GNA15: variants seen among roughly 807,000 people sequenced by gnomAD.
GNA15 encodes the protein guanine nucleotide-binding protein subunit alpha-15.
Under a neutral mutation model 40.1 loss-of-function variants are expected in GNA15, and 23 were observed. The ratio of observed to expected loss-of-function variants is 0.57; its 90% CI spans 0.41 to 0.81. The LOEUF is 0.81. Among genes scored for constraint, GNA15 ranks in the 40% least tolerant of loss-of-function variants. GNA15 has a pLI of 0.00. For synonymous variants in GNA15, 226 were observed against 210.4 expected (o/e 1.07, Z -0.64); for missense variants, 522 against 515.8 (o/e 1.01, Z -0.12).
At chr19:3,161,879 A>G (rs1915144424) in intron 6 of GNA15, among the ~76,000 whole-genome samples, 1 of 151,728 alleles carries the variant, frequency 6.6e-6, no homozygotes, top group Non-Finnish European at 1.5e-5. Context: ...TTAAAAATAC[A>G]AAAATTAGCT....
Position 3,155,810 on chromosome 19 carries a change from C to T in GNA15, c.615-13C>T, listed in dbSNP as rs1368925107. 14 of 1,610,864 alleles carry T rather than the reference C, an allele frequency of 8.7e-6. No individual in the cohort carries two copies. Among genetic ancestry groups the T allele is most frequent in the Middle Eastern group, 1.7e-4 (1 of 6,056 alleles). On this transcript the variant is annotated splice_polypyrimidine_tract_variant and intron_variant, in intron 4 of 6. Transcript: ENST00000262958. This position sits in a 1 kb window ranked among gnomAD's most constrained non-coding sequence, Gnocchi z 5.6. ...TCCTGAGCTCTGAAAGGGGGCACCT[C>T]GGTTCCCTGTAGGATCGTGGACGTC...
At chr19:3,142,462 A>G (rs1914598847) in intron 1 of GNA15, 1 of 152,212 alleles carries the variant, frequency 6.6e-6, no homozygotes, top group African/African-American at 2.4e-5. Context: ...AAAAAAAATC[A>G]GTGCATCACA....
chr19:3,156,037 G>T (rs537137947), intron 5 of GNA15, 85 bp downstream of exon 5: 329 of 1,316,998 alleles, frequency 2.5e-4, no homozygotes, highest in Admixed American at 5.1e-4. Context: ...GAAAGGGAGG[G>T]ATCCCTGCTC....
intron 6 of GNA15, among the ~76,000 whole-genome samples, chr19:3,158,684 C>A (rs981321911): frequency 6.6e-6 from 1 of 151,976 alleles, no homozygotes; most frequent in African/African-American, 2.4e-5. Context: ...TACAGTGGTG[C>A]GATCTTGGCT....
At position 3,157,735 on chromosome 19, in the gene GNA15, T is replaced by A; in HGVS notation, c.752T>A (p.Met251Lys). The change falls in exon 6 of 7, where the codon ATG becomes AAG. Residue 251 changes from methionine (M) to lysine (K), a missense_variant. Coordinates refer to ENST00000262958, the MANE Select transcript of GNA15 (RefSeq NM_002068.4). ...CLEENNQENRMKESLALFGTI... is the reference protein window; with the variant it reads ...CLEENNQENRKKESLALFGTI... ...CTTCTGCCCCCAACACAGAACCGCA[T>A]GAAGGAGAGCCTCGCATTGTTTGGG... The A allele has an allele frequency of 6.2e-7, 1 of 1,614,036 alleles. No individual in the cohort carries two copies. The highest frequency in any genetic ancestry group is 8.5e-7 in the Non-Finnish European group (1 of 1,179,900).
Position 3,151,978 on chromosome 19 carries a change from C to T in GNA15, c.614+143C>T. The T allele has an allele frequency of 3.4e-6, 2 of 586,836 alleles. No individual in the cohort carries two copies. Among genetic ancestry groups the T allele is most frequent in the East Asian group, 3.2e-5 (1 of 31,120 alleles). 36.4% of individuals were successfully genotyped at this position (586,836 alleles called of 1,614,324 possible). A position where few individuals can be genotyped will look rare whatever the true frequency, so the allele number is the denominator to read the frequency against. On this transcript the variant is annotated intron_variant, in intron 4 of 6. Transcript: ENST00000262958. This position sits in a 1 kb window ranked among gnomAD's most constrained non-coding sequence, Gnocchi z 5.0. The stretch of plus-strand genomic sequence containing the variant: ...TGCCAAGCTAGGGGAAGCAAAGCTC[C>T]ATGTAGACACCTCCAGGCCCCCAGG...
At chr19:3,144,185 G>A (rs939065116) in intron 1 of GNA15, among the ~76,000 whole-genome samples, 1 of 151,300 alleles carries the variant, frequency 6.6e-6, no homozygotes, top group South Asian at 2.1e-4. Context: ...CAGATGGTGG[G>A]ACTCCAGCTC....
chr19:3,144,775 G>A (rs34403874), intron 1 of GNA15, among the ~76,000 whole-genome samples: 26,202 of 151,350 alleles, frequency 0.17, 2,252 homozygotes, highest in East Asian at 0.21. Context: ...TGATCCGCCC[G>A]CCTTGGCCTC....
chr19:3,140,110 T>C (rs778785032), intron 1 of GNA15, among the ~76,000 whole-genome samples: 1 of 151,988 alleles, frequency 6.6e-6, no homozygotes, highest in Non-Finnish European at 1.5e-5. Context: ...ATGTGTCATA[T>C]TATGTCACAT....
intron 4 of GNA15, among the ~76,000 whole-genome samples, chr19:3,152,900 A>G (rs1247711339): frequency 1.3e-5 from 2 of 152,162 alleles, no homozygotes; most frequent in African/African-American, 2.4e-5. Flanking sequence ...AGAGCCTCAC[A>G]AGGTTAGGGG....
At position 3,163,091 on chromosome 19, in the gene GNA15, T is replaced by C. The variant is rs1915178306; in HGVS notation, c.*72T>C. 4.2e-6 allele frequency: 4 copies of C among 943,814 alleles called. No homozygotes were observed. The highest frequency in any genetic ancestry group is 1.6e-5 in the African/African-American group (1 of 61,920). 58.5% of individuals were successfully genotyped at this position (943,814 alleles called of 1,614,324 possible). A position where few individuals can be genotyped will look rare whatever the true frequency, so the allele number is the denominator to read the frequency against. On this transcript the variant is annotated 3_prime_UTR_variant, in exon 7 of 7. Coordinates refer to ENST00000262958, the MANE Select transcript of GNA15 (RefSeq NM_002068.4). ...TGGGAGTGGCTGCAGGGACCCCTAG[T>C]GTCCCTGGTCTATCTCTCCAGCCTC...
In GNA15 at chr19:3,157,844, C is replaced by T. The variant is rs770093189; in HGVS notation, c.861C>T (p.Pro287=). 29 of 1,613,598 alleles carry T rather than the reference C, an allele frequency of 1.8e-5. No individual in the cohort carries two copies. Among genetic ancestry groups the T allele is most frequent in the Non-Finnish European group, 2.3e-5 (27 of 1,179,460 alleles). Residue 287 remains proline, a synonymous_variant, in exon 6 of 7, where the codon CCC becomes CCT. Transcript: ENST00000262958. ...CCGACATCCTGGAGGAGAAAATCCC[C>T]ACCTCCCACCTGGCTACCTATTTCC... ...NKTDILEEKI[P]TSHLATYFPS... is the part of the protein sequence containing the mutation.
At position 3,160,194 on chromosome 19, in the gene GNA15, G is replaced by C. The variant is rs182413024; in HGVS notation, c.898+2313G>C. ...TATGGGATTGGAGATAAACTTCCAA[G>C]ATGGCTTCTTCCCCCATATGTCTGG... On this transcript the variant is annotated intron_variant, in intron 6 of 6. Transcript: ENST00000262958. Among the ~76,000 whole-genome samples the C allele has an allele frequency of 1.3e-3, 201 of 152,278 alleles. 2 individuals are homozygous for C. Among genetic ancestry groups the C allele is most frequent in the African/African-American group, 4.7e-3 (195 of 41,560 alleles).
At chr19:3,138,601 G>A (rs1171012638) in intron 1 of GNA15, among the ~76,000 whole-genome samples, 1 of 152,086 alleles carries the variant, frequency 6.6e-6, no homozygotes, top group African/African-American at 2.4e-5. Flanking sequence ...CCTTCACTGG[G>A]GGCCCTTTCT....
intron 4 of GNA15, among the ~76,000 whole-genome samples, chr19:3,153,523 G>A (rs1914930109): frequency 6.6e-6 from 1 of 150,834 alleles, no homozygotes; most frequent in South Asian, 2.1e-4. Flanking sequence ...ATGAATGGAT[G>A]AGTGGGTGGA....
intron 6 of GNA15, among the ~76,000 whole-genome samples, chr19:3,162,507 A>T (rs571710203): frequency 6.6e-6 from 1 of 152,220 alleles, no homozygotes; most frequent in African/African-American, 2.4e-5. Flanking sequence ...AAGCGAGGCC[A>T]AGAGAGTGTC....
intron 6 of GNA15, among the ~76,000 whole-genome samples, chr19:3,162,407 C>G (rs1915159287): frequency 6.7e-6 from 1 of 149,248 alleles, no homozygotes; most frequent in African/African-American, 2.5e-5. Context: ...AAAGAGGACT[C>G]TCTTCCCCTC....
At chr19:3,156,516 A>ACACATGCACGCACACG (rs1315592143) in intron 5 of GNA15, among the ~76,000 whole-genome samples, 8 of 151,946 alleles carry the variant, frequency 5.3e-5, no homozygotes, top group African/African-American at 1.9e-4. Context: ...GCGTGCACAC[A>ACACATGCACGCACACG]CACATGCACG....
intron 5 of GNA15, among the ~76,000 whole-genome samples, chr19:3,156,190 A>AGTG (rs1468251250): frequency 5.6e-4 from 61 of 108,452 alleles, no homozygotes; most frequent in African/African-American, 2.0e-3. Context: ...ACACACACAC[A>AGTG]CACACACACA....
Sources: allele counts gnomAD v4.1 joint callset (sites outside exome capture counted in the v4.1 genomes callset), GRCh38; gene constraint gnomAD v4.1.1; non-coding constraint Gnocchi (gnomAD v3.1); transcripts MANE v1.5; gene names NCBI Gene and HGNC (gene_info 2026-07-23, HGNC 2026-07-21).